Variants in FRMD3 observed in about 807,000 individuals in gnomAD.
The protein encoded by FRMD3 is FERM domain-containing protein 3.
A neutral mutation model predicts 70.2 loss-of-function variants in FRMD3; 33 were observed. The observed-to-expected ratio is 0.47, with a 90% CI of 0.36 to 0.63. The LOEUF (loss-of-function observed/expected upper bound fraction) is 0.63. Ranked by LOEUF, FRMD3 falls within the 20% of genes least tolerant of loss-of-function variation. The pLI is 0.00. For synonymous variants in FRMD3, 279 were observed against 255.9 expected (o/e 1.09, Z -0.86); for missense variants, 632 against 711.4 (o/e 0.89, Z 1.27).
chr9:83,279,050 T>A (rs1833882700), intron 13 of FRMD3: 3 of 152,214 alleles, frequency 2.0e-5, no homozygotes, highest in African/African-American at 7.2e-5. Context: ...GATGCTCTAT[T>A]TTTTAAATAT....
At chr9:83,384,221 G>A (rs1825444588) in intron 2 of FRMD3, among the ~76,000 whole-genome samples, 1 of 152,186 alleles carries the variant, frequency 6.6e-6, no homozygotes, top group Non-Finnish European at 1.5e-5. Context: ...AGACAAATTT[G>A]TGATCAGTGA....
chr9:83,297,544 T>C (rs1834723205), intron 12 of FRMD3: 1 of 307,396 alleles, frequency 3.3e-6, no homozygotes, highest in African/African-American at 2.2e-5. Flanking sequence ...CTGAAACAGA[T>C]GAATGATATG....
At chr9:83,533,880 A>G (rs1176538777) in intron 1 of FRMD3, among the ~76,000 whole-genome samples, 1 of 152,238 alleles carries the variant, frequency 6.6e-6, no homozygotes, top group Non-Finnish European at 1.5e-5. Flanking sequence ...AGCCATGTTT[A>G]CCAGGCTTTG....
intron 13 of FRMD3, chr9:83,276,172 G>A (rs1333633575): frequency 6.6e-6 from 1 of 152,144 alleles, no homozygotes; most frequent in African/African-American, 2.4e-5. Flanking sequence ...AGTCTCCCAA[G>A]ATTTCCTGGA....
At chr9:83,328,458 C>A (rs1408532558) in intron 6 of FRMD3, among the ~76,000 whole-genome samples, 1 of 152,200 alleles carries the variant, frequency 6.6e-6, no homozygotes, top group African/African-American at 2.4e-5. Context: ...TTTATAACTA[C>A]TGCTTTGGAC....
intron 1 of FRMD3, among the ~76,000 whole-genome samples, chr9:83,396,612 G>A (rs1825818168): frequency 6.6e-6 from 1 of 152,152 alleles, no homozygotes; most frequent in Non-Finnish European, 1.5e-5. Context: ...ACTTTACGAG[G>A]GCTTCTGGGA....
chr9:83,552,919 T>TTTA, the FRMD3 span, among the ~76,000 whole-genome samples: 2 of 152,058 alleles, frequency 1.3e-5, no homozygotes, highest in Non-Finnish European at 1.5e-5. Flanking sequence ...ATCTTGCTTT[T>TTTA]TTATTATTAT....
At chr9:83,409,491 T>TC in intron 1 of FRMD3, among the ~76,000 whole-genome samples, 1 of 152,204 alleles carries the variant, frequency 6.6e-6, no homozygotes. Flanking sequence ...GACTAGCTTT[T>TC]CCCCACGTTA....
At chr9:83,498,759 T>C (rs3860942) in intron 1 of FRMD3, among the ~76,000 whole-genome samples, 53,509 of 151,644 alleles carry the variant, frequency 0.35, 10,443 homozygotes, top group Middle Eastern at 0.46. Context: ...AAAGAAAACA[T>C]ATAATCAAAG....
Position 83,245,116 on chromosome 9 carries a change from C to T in FRMD3, c.*2802G>A, listed in dbSNP as rs1487994519. 1 of 985,120 alleles carries T rather than the reference C, an allele frequency of 1.0e-6. No individual in the cohort carries two copies. The highest frequency in any genetic ancestry group is 1.2e-6 in the Non-Finnish European group (1 of 829,872). 61.0% of individuals were successfully genotyped at this position (985,120 alleles called of 1,614,324 possible). ...AACCAATAATACATCTCAAATTCCT[C>T]AATTAGGGCAAAATAAGCACAATTA... is the stretch of plus-strand genomic sequence containing the variant. On this transcript the variant is annotated 3_prime_UTR_variant, in exon 14 of 14. Transcript: ENST00000304195.
chr9:83,372,135 G>A (rs1452230732), intron 3 of FRMD3, among the ~76,000 whole-genome samples: 2 of 152,134 alleles, frequency 1.3e-5, no homozygotes, highest in African/African-American at 2.4e-5. Flanking sequence ...AAGTGGATTT[G>A]GGGGCAGGCA....
chr9:83,506,439 C>CA (rs1412103714), intron 1 of FRMD3, among the ~76,000 whole-genome samples: 1 of 152,220 alleles, frequency 6.6e-6, no homozygotes, highest in Non-Finnish European at 1.5e-5. Context: ...TCCTGGGCTA[C>CA]AGATCTGTAT....
At chr9:83,296,906 G>A (rs934774409) in intron 12 of FRMD3, among the ~76,000 whole-genome samples, 1 of 152,136 alleles carries the variant, frequency 6.6e-6, no homozygotes, top group African/African-American at 2.4e-5. Context: ...CATCATCTGA[G>A]AAAATGTTAG....
At chr9:83,273,898 C>G (rs1202984505) in intron 13 of FRMD3, among the ~76,000 whole-genome samples, 1 of 152,160 alleles carries the variant, frequency 6.6e-6, no homozygotes, top group Non-Finnish European at 1.5e-5. Context: ...TCACTGCAGC[C>G]TCGACCTCCT....
intron 6 of FRMD3, among the ~76,000 whole-genome samples, chr9:83,334,779 C>A (rs1303315682): frequency 6.6e-6 from 1 of 152,150 alleles, no homozygotes; most frequent in Admixed American, 6.5e-5. Flanking sequence ...GGCATAAAGG[C>A]ACAGACTCTA....
intron 6 of FRMD3, 78 bp downstream of exon 6, chr9:83,335,438 G>A (rs945932027): frequency 4.2e-6 from 6 of 1,415,418 alleles, no homozygotes; most frequent in South Asian, 1.2e-5. Flanking sequence ...CCTCCTTCAC[G>A]ATGTGATTTC....
At chr9:83,458,000 C>CCA (rs1827869916) in intron 1 of FRMD3, among the ~76,000 whole-genome samples, 1 of 87,952 alleles carries the variant, frequency 1.1e-5, no homozygotes, top group Admixed American at 1.3e-4. Context: ...TATTACCTCT[C>CCA]AAAAAAAAAA....
At chr9:83,292,102 C>T (rs1379899212) in intron 12 of FRMD3, among the ~76,000 whole-genome samples, 3 of 152,218 alleles carry the variant, frequency 2.0e-5, no homozygotes, top group South Asian at 4.1e-4. Flanking sequence ...CCTTAAGTAA[C>T]TCACTGTCTA....
At chr9:83,494,833 A>ATGTGTGTGTGTGTGTG (rs377201441) in intron 1 of FRMD3, among the ~76,000 whole-genome samples, 54 of 149,426 alleles carry the variant, frequency 3.6e-4, no homozygotes, top group African/African-American at 1.3e-3. Context: ...CTGTGCATTT[A>ATGTGTGTGTGTGTGTG]TGTGTGTGTG....
Sources: gnomAD v4.1 joint callset for allele counts (sites outside exome capture counted in the v4.1 genomes callset) on GRCh38, gnomAD v4.1.1 for gene constraint, MANE v1.5 for transcripts, NCBI Gene and HGNC (gene_info 2026-07-23, HGNC 2026-07-21) for gene names.